Variants in PTPRD observed in about 807,000 individuals in gnomAD.
PTPRD encodes the protein protein tyrosine phosphatase receptor type D, also known as receptor-type tyrosine-protein phosphatase delta.
Under a neutral mutation model 214.5 loss-of-function variants are expected in PTPRD, and 34 were observed. That is an observed-to-expected ratio of 0.16 (90% confidence interval 0.12 to 0.21). The LOEUF (loss-of-function observed/expected upper bound fraction) is 0.21. PTPRD is among the 10% of genes least tolerant of loss of function. PTPRD has a pLI of 1.00. For synonymous variants in PTPRD, 1,128 were observed against 845.7 expected (o/e 1.33, Z -5.79); for missense variants, 2,545 against 2,398.7 (o/e 1.06, Z -1.27).
intron 14 of PTPRD, among the ~76,000 whole-genome samples, chr9:8,554,513 A>G (rs73430462): frequency 0.041 from 6,219 of 152,254 alleles, 416 homozygotes; most frequent in African/African-American, 0.14. Context: ...AGAGAGGTAT[A>G]TGATCACCCC....
At chr9:8,921,399 C>A (rs929734875) in intron 11 of PTPRD, among the ~76,000 whole-genome samples, 1 of 152,158 alleles carries the variant, frequency 6.6e-6, no homozygotes, top group Non-Finnish European at 1.5e-5. Flanking sequence ...ACTTGGGAGG[C>A]TAAAGGCTAA....
At chr9:10,432,343 G>A (rs1170741688) in intron 2 of PTPRD, among the ~76,000 whole-genome samples, 1 of 150,340 alleles carries the variant, frequency 6.7e-6, no homozygotes, top group Admixed American at 6.6e-5. Context: ...GCTAGATGAC[G>A]ATTTAGTGGG....
chr9:10,383,090 T>C (rs535765995), intron 2 of PTPRD, among the ~76,000 whole-genome samples: 2 of 152,002 alleles, frequency 1.3e-5, no homozygotes, highest in African/African-American at 2.4e-5. Flanking sequence ...AGAAGGGACA[T>C]GGAAACATAT....
At chr9:10,107,723 A>T (rs535712756) in intron 3 of PTPRD, among the ~76,000 whole-genome samples, 1 of 152,220 alleles carries the variant, frequency 6.6e-6, no homozygotes, top group South Asian at 2.1e-4. Flanking sequence ...ACTTATATGT[A>T]GTATGTGCTA....
chr9:9,984,758 G>C (rs956120501), intron 4 of PTPRD, among the ~76,000 whole-genome samples: 4 of 152,126 alleles, frequency 2.6e-5, no homozygotes, highest in Non-Finnish European at 5.9e-5. Context: ...GCAGCAGAGA[G>C]AATTAGGGTG....
chr9:9,069,119 G>A lies in PTPRD; in HGVS notation c.-142-50384C>T, dbSNP rs79174755. Reference sequence around the variant, plus strand: ...GAGAAAACCTGACGGAAGTTCTAAAGATATTGCTATACTTAAAGGTTTCTC... The same window carrying A: ...GAGAAAACCTGACGGAAGTTCTAAAAATATTGCTATACTTAAAGGTTTCTC... On this transcript the variant is annotated intron_variant, in intron 10 of 45. Transcript: ENST00000381196. Among the ~76,000 whole-genome samples, 1,078 of 152,246 alleles carry A rather than the reference G, an allele frequency of 7.1e-3. 10 individuals are homozygous for A. Among genetic ancestry groups the A allele is most frequent in the African/African-American group, 0.024 (1,017 of 41,548 alleles).
chr9:9,295,604 C>A (rs1218030743), intron 9 of PTPRD, among the ~76,000 whole-genome samples: 1 of 151,672 alleles, frequency 6.6e-6, no homozygotes, highest in African/African-American at 2.4e-5. Context: ...CATTCTTTTT[C>A]TTGGATCCTT....
chr9:8,523,199 C>T (rs1405734251), intron 19 of PTPRD, among the ~76,000 whole-genome samples: 1 of 152,078 alleles, frequency 6.6e-6, no homozygotes, highest in Non-Finnish European at 1.5e-5. Flanking sequence ...CCTTATAAGA[C>T]AGAAATTAAA....
chr9:8,483,978 T>G (rs1261104304), intron 30 of PTPRD, 141 bp downstream of exon 30: 2 of 1,078,980 alleles, frequency 1.9e-6, no homozygotes, highest in African/African-American at 1.6e-5. Context: ...AGAACTCGGA[T>G]AGCAAAACTG....
intron 2 of PTPRD, among the ~76,000 whole-genome samples, chr9:10,484,616 A>G (rs1589219347): frequency 6.6e-6 from 1 of 152,010 alleles, no homozygotes; most frequent in East Asian, 1.9e-4. Context: ...AATAGTTTTG[A>G]TTTGCATTTC....
chr9:8,341,516 G>C (rs559238026), intron 40 of PTPRD, among the ~76,000 whole-genome samples, 177 bp downstream of exon 40: 47 of 152,108 alleles, frequency 3.1e-4, no homozygotes, highest in Non-Finnish European at 5.7e-4. Flanking sequence ...GATATTGTTA[G>C]GAAGCAAAGA....
chr9:9,603,448 A>G (rs1035333032), intron 7 of PTPRD, among the ~76,000 whole-genome samples: 1 of 152,176 alleles, frequency 6.6e-6, no homozygotes, highest in African/African-American at 2.4e-5. Context: ...TAGGCTATAA[A>G]CCAGAGGTCC....
At chr9:10,117,229 T>C (rs901296873) in intron 3 of PTPRD, among the ~76,000 whole-genome samples, 6 of 151,990 alleles carry the variant, frequency 3.9e-5, no homozygotes, top group African/African-American at 1.4e-4. Context: ...GAAAACAGAG[T>C]AAATTGCCTA....
At chr9:10,071,507 G>C (rs1205760564) in intron 3 of PTPRD, among the ~76,000 whole-genome samples, 1 of 152,010 alleles carries the variant, frequency 6.6e-6, no homozygotes, top group African/African-American at 2.4e-5. Context: ...AAAGAGTAAA[G>C]CCACTTCAGT....
intron 3 of PTPRD, among the ~76,000 whole-genome samples, chr9:10,074,468 CT>C (rs2098095732): frequency 6.6e-6 from 1 of 152,052 alleles, no homozygotes; most frequent in Non-Finnish European, 1.5e-5. Context: ...ACTTCTAAAG[CT>C]GACAGAGGAG....
intron 35 of PTPRD, among the ~76,000 whole-genome samples, chr9:8,409,618 A>C (rs886383220): frequency 6.6e-6 from 1 of 152,182 alleles, no homozygotes; most frequent in African/African-American, 2.4e-5. Context: ...AAAGTCCTTT[A>C]ATCATTCTGC....
Position 9,759,555 on chromosome 9 carries a change from C to CTTTTTTTTTTTTTT in PTPRD, c.-326+7241_-326+7254dup, listed in dbSNP as rs3050068. ...ACATCTTCAAATAGTCAAGGTCTGT[C>CTTTTTTTTTTTTTT]TTTTTTTTTTTTTTTTTTTTGAGAT... On this transcript the variant is annotated intron_variant, in intron 6 of 45. Coordinates refer to ENST00000381196, the MANE Select transcript of PTPRD (RefSeq NM_002839.4). 2.1e-4 allele frequency among the ~76,000 whole-genome samples: 25 copies of CTTTTTTTTTTTTTT among 117,816 alleles called. 4 individuals carry two copies. The East Asian group carries it at 5.8e-3, about 27-fold the overall frequency. The allele number at this position is 117,816 out of a possible 152,430, so 77.3% of individuals were successfully genotyped here.
At chr9:8,331,225 AAGAC>A (rs759395145) in intron 44 of PTPRD, among the ~76,000 whole-genome samples, 24 of 149,754 alleles carry the variant, frequency 1.6e-4, no homozygotes, top group Non-Finnish European at 2.8e-4. Flanking sequence ...AAACAGAAGA[AAGAC>A]AGTTATCAGT....
intron 5 of PTPRD, among the ~76,000 whole-genome samples, chr9:9,896,979 C>G (rs553951511): frequency 6.6e-6 from 1 of 152,118 alleles, no homozygotes; most frequent in Non-Finnish European, 1.5e-5. Flanking sequence ...AATCTCTGGA[C>G]TTGCAGAGTT....
Sources: allele counts gnomAD v4.1 joint callset (sites outside exome capture counted in the v4.1 genomes callset), GRCh38; gene constraint gnomAD v4.1.1; transcripts MANE v1.5; gene names NCBI Gene and HGNC (gene_info 2026-07-23, HGNC 2026-07-21).